FGFR4: variants seen among roughly 807,000 people sequenced by gnomAD.
FGFR4 encodes the protein fibroblast growth factor receptor 4.
A neutral mutation model predicts 89.9 loss-of-function variants in FGFR4; 63 were observed. That is an observed-to-expected ratio of 0.70 (90% CI 0.57 to 0.86). The LOEUF (loss-of-function observed/expected upper bound fraction) is 0.86. FGFR4 is among the 40% of genes least tolerant of loss of function. The pLI is 0.00. For missense variants in FGFR4, 928 were observed against 1,106.7 expected, an observed-to-expected ratio of 0.84 and a Z score of 2.29; for synonymous variants, 486 against 479.4, an observed-to-expected ratio of 1.01 and a Z score of -0.18.
At chr5:177,092,089 G>A (rs1044613020) in intron 6 of FGFR4, among the ~76,000 whole-genome samples, 34 of 152,232 alleles carry the variant, frequency 2.2e-4, no homozygotes, top group African/African-American at 7.7e-4. Context: ...TTCGTAGGGC[G>A]TGGCGTTTAT....
In FGFR4 at chr5:177,097,793, T is replaced by TGCCGTGTCCAAGG. The variant is rs1288964009; in HGVS notation, c.*124_*136dup. Reference sequence around the variant, plus strand: ...TGGGGCCCCTGGCCCAGAGTTGCTGTGCCGTGTCCAAGGGCCGTGCCCTTG... The same window carrying TGCCGTGTCCAAGG: ...TGGGGCCCCTGGCCCAGAGTTGCTGTGCCGTGTCCAAGGGCCGTGTCCAAGGGCCGTGCCCTTG... On this transcript the variant is annotated 3_prime_UTR_variant, in exon 18 of 18. Transcript: ENST00000292408. 6 of 1,344,938 alleles carry TGCCGTGTCCAAGG rather than the reference T, an allele frequency of 4.5e-6. No homozygotes were observed. The highest frequency in any genetic ancestry group is 4.3e-5 in the South Asian group (3 of 69,146). The allele number at this position is 1,344,938 out of a possible 1,614,324, so 83.3% of individuals were successfully genotyped here.
rs1247035490 is a variant in FGFR4 at position 177,091,839 on chromosome 5, T to G, written c.727+31T>G. Reference sequence around the variant, plus strand: ...CGCGGGGCTGGGAACAGGGGAGGCCTGACCCATTTTGGGCTCAGTTGTGCC... The same window carrying G: ...CGCGGGGCTGGGAACAGGGGAGGCCGGACCCATTTTGGGCTCAGTTGTGCC... On this transcript the variant is annotated intron_variant, in intron 6 of 17. Transcript: ENST00000292408. 3.7e-6 allele frequency: 6 copies of G among 1,611,672 alleles called. 1 individual carries two copies. The highest frequency in any genetic ancestry group is 5.1e-6 in the Non-Finnish European group (6 of 1,178,326).
In FGFR4 at chr5:177,097,904, C is replaced by A; in HGVS notation, c.*228C>A. On this transcript the variant is annotated 3_prime_UTR_variant, in exon 18 of 18. Coordinates refer to ENST00000292408, the MANE Select transcript of FGFR4 (RefSeq NM_213647.3). ...TTGGACCTTGGCGCTTAGTCCCCAT[C>A]CCGGGTTTGGCTGAGCCTGGCTGGA... 1 of 484,446 alleles carries A rather than the reference C, an allele frequency of 2.1e-6. No homozygotes were observed. Among genetic ancestry groups the A allele is most frequent in the African/African-American group, 1.9e-5 (1 of 52,102 alleles). The allele number at this position is 484,446 out of a possible 1,614,324, so 30.0% of individuals were successfully genotyped here. A position where few individuals can be genotyped will look rare whatever the true frequency, so the allele number is the denominator to read the frequency against.
In FGFR4 at chr5:177,097,643, C is replaced by T. The variant is rs770736959; in HGVS notation, c.2376C>T (p.Ser792=). ...ACGACCCCCTGCCATTGGGATCCAG[C>T]TCCTTCCCCTTCGGGTCTGGGGTGC... ...FSHDPLPLGS[S]SFPFGSGVQT Residue 792 remains serine (S), a synonymous_variant, in exon 18 of 18, where the codon AGC becomes AGT. Coordinates refer to ENST00000292408, the MANE Select transcript of FGFR4 (RefSeq NM_213647.3). 3.1e-6 allele frequency: 5 copies of T among 1,614,090 alleles called. No homozygotes were observed. The highest frequency in any genetic ancestry group is 4.2e-6 in the Non-Finnish European group (5 of 1,180,042).
rs570388674 is a variant in FGFR4 at position 177,093,269 on chromosome 5, G to A, written c.1189G>A (p.Gly397Ser). ...AGLYRGQALH[G>S]RHPRPPATVQ... ...GCTGTATCGAGGGCAGGCGCTCCAC[G>A]GCCGGCACCCCCGCCCGCCCGCCAC... Residue 397 changes from glycine to serine, a missense_variant, in exon 9 of 18, where the codon GGC (glycine) becomes AGC (serine). Physicochemically the swap from Gly to Ser is moderately conservative, Grantham distance 56 (BLOSUM62 0). This residue lies in a region of FGFR4 where 741 missense variants were observed against 836.9 expected (regional missense o/e 0.89). Coordinates refer to ENST00000292408, the MANE Select transcript of FGFR4 (RefSeq NM_213647.3). This position sits in a 1 kb window ranked among gnomAD's most constrained non-coding sequence, Gnocchi z 5.8. The A allele has an allele frequency of 6.2e-6, 10 of 1,612,842 alleles. No homozygotes were observed. The highest frequency in any genetic ancestry group is 5.3e-5 in the African/African-American group (4 of 75,016).
At chr5:177,088,038 T>A (rs1448094481) in intron 1 of FGFR4, among the ~76,000 whole-genome samples, 1 of 152,098 alleles carries the variant, frequency 6.6e-6, no homozygotes, top group Non-Finnish European at 1.5e-5. Flanking sequence ...TTTGTTTTTT[T>A]ATTTTATTTT....
In FGFR4 at chr5:177,095,755, G is replaced by A; in HGVS notation, c.1821+32G>A. ...GCGCTAGGGCTCTGAGCCCCTCTCA[G>A]TCTCTCCAGCTCCACTCTCAGGCCT... is the stretch of plus-strand genomic sequence containing the variant. On this transcript the variant is annotated intron_variant, in intron 13 of 17. Coordinates refer to ENST00000292408, the MANE Select transcript of FGFR4 (RefSeq NM_213647.3). This position sits in a 1 kb window ranked among gnomAD's most constrained non-coding sequence, Gnocchi z 5.7. The A allele has an allele frequency of 6.5e-7, 1 of 1,537,720 alleles. No individual in the cohort carries two copies. The highest frequency in any genetic ancestry group is 8.7e-7 in the Non-Finnish European group (1 of 1,143,444).
In FGFR4 at chr5:177,092,673, G is replaced by C. The variant is rs770090847; in HGVS notation, c.946G>C (p.Glu316Gln). 1 of 1,612,128 alleles carries C rather than the reference G, an allele frequency of 6.2e-7. No homozygotes were observed. The change falls in exon 8 of 18, where the codon GAG (glutamate) becomes CAG (glutamine). Residue 316 changes from glutamate to glutamine, a missense_variant. This residue lies in a region of FGFR4 where 741 missense variants were observed against 836.9 expected (regional missense o/e 0.89). Coordinates refer to ENST00000292408, the MANE Select transcript of FGFR4 (RefSeq NM_213647.3). ...TGCAGACATCAATAGCTCAGAGGTG[G>C]AGGTCCTGTACCTGCGGAACGTGTC... ...KTADINSSEV[E>Q]VLYLRNVSAE...
rs756853139 is a variant in FGFR4 at position 177,096,670 on chromosome 5, G to A, written c.2082G>A (p.Pro694=). The part of the protein sequence containing the change: ...TLGGSPYPGI[P]VEELFSLLRE... ...GGGGCTCCCCGTATCCTGGCATCCC[G>A]GTGGAGGAGCTGTTCTCGCTGCTGC... The change falls in exon 16 of 18, where the codon CCG becomes CCA. Residue 694 remains proline (P), a synonymous_variant. Coordinates refer to ENST00000292408, the MANE Select transcript of FGFR4 (RefSeq NM_213647.3). 17 of 1,611,214 alleles carry A rather than the reference G, an allele frequency of 1.1e-5. No individual in the cohort carries two copies. Among genetic ancestry groups the A allele is most frequent in the Middle Eastern group, 1.6e-4 (1 of 6,064 alleles).
chr5:177,098,003 ACCT>A lies in FGFR4; in HGVS notation c.*330_*332del, dbSNP rs995296430. On this transcript the variant is annotated 3_prime_UTR_variant, in exon 18 of 18. Transcript: ENST00000292408. This position sits in a 1 kb window ranked among gnomAD's most constrained non-coding sequence, Gnocchi z 4.5. ...GGGCCTCTGAACCCCCTTTCCCCAC[ACCT>A]CCCCCTGCTGCTGCTGCCCCAGCGT... 3 of 288,804 alleles carry A rather than the reference ACCT, an allele frequency of 1.0e-5. No individual in the cohort carries two copies. Among genetic ancestry groups the A allele is most frequent in the Non-Finnish European group, 1.9e-5 (3 of 156,094 alleles). The allele number at this position is 288,804 out of a possible 1,614,324, so 17.9% of individuals were successfully genotyped here.
chr5:177,089,374 G>A (rs1159822828), intron 1 of FGFR4, among the ~76,000 whole-genome samples, 176 bp from the exon 2 acceptor site: 1 of 152,176 alleles, frequency 6.6e-6, no homozygotes, highest in African/African-American at 2.4e-5. Context: ...ACCGTGGGGA[G>A]GCCTTAGGCT....
In FGFR4 at chr5:177,092,703, G is replaced by A. The variant is rs143108014; in HGVS notation, c.976G>A (p.Glu326Lys). ...CCTGTACCTGCGGAACGTGTCAGCC[G>A]AGGACGCAGGCGAGTACACCTGCCT... is the stretch of plus-strand genomic sequence containing the variant. ...EVLYLRNVSA[E>K]DAGEYTCLAG... The change falls in exon 8 of 18, where the codon GAG becomes AAG. Residue 326 changes from glutamate to lysine, a missense_variant. This residue lies in a region of FGFR4 where 741 missense variants were observed against 836.9 expected (regional missense o/e 0.89). Coordinates refer to ENST00000292408, the MANE Select transcript of FGFR4 (RefSeq NM_213647.3). 4.2e-5 allele frequency: 67 copies of A among 1,614,020 alleles called. No individual in the cohort carries two copies. The highest frequency in any genetic ancestry group is 1.3e-4 in the East Asian group (6 of 44,896).
In FGFR4 at chr5:177,091,781, C is replaced by T. The variant is rs752817668; in HGVS notation, c.700C>T (p.Arg234Cys). ...GGTAGAGAACGCTGTGGGCAGCATC[C>T]GCTATAACTACCTGCTAGATGTGCT... The part of the protein sequence containing the change: ...CLVENAVGSI[R>C]YNYLLDVLER... The change falls in exon 6 of 18, where the codon CGC becomes TGC. Residue 234 changes from arginine (R) to cysteine (C), a missense_variant. Arg to Cys is a radical substitution (Grantham distance 180). Coordinates refer to ENST00000292408, the MANE Select transcript of FGFR4 (RefSeq NM_213647.3). 57 of 1,614,184 alleles carry T rather than the reference C, an allele frequency of 3.5e-5. No individual in the cohort carries two copies. Among genetic ancestry groups the T allele is most frequent in the African/African-American group, 5.3e-5 (4 of 75,064 alleles).
Position 177,092,421 on chromosome 5 carries a change from T to C in FGFR4, c.828T>C (p.Asp276=). ...AGCTGCTGTGCAAGGTGTACAGCGATGCCCAGCCCCACATCCAGTGGCTGA... is the reference window on the plus strand; with the variant it reads ...AGCTGCTGTGCAAGGTGTACAGCGACGCCCAGCCCCACATCCAGTGGCTGA... The part of the protein sequence containing the change: ...DVELLCKVYS[D]AQPHIQWLKH... The change falls in exon 7 of 18, where the codon GAT becomes GAC. Residue 276 remains aspartate, a synonymous_variant. Transcript: ENST00000292408. The C allele has an allele frequency of 6.2e-7, 1 of 1,608,208 alleles. No individual in the cohort carries two copies. Among genetic ancestry groups the C allele is most frequent in the Non-Finnish European group, 8.5e-7 (1 of 1,177,030 alleles).
chr5:177,096,464 T>G, intron 15 of FGFR4, 107 bp downstream of exon 15: 1 of 1,541,734 alleles, frequency 6.5e-7, no homozygotes, highest in East Asian at 2.3e-5. Flanking sequence ...TCAGATTTGG[T>G]CTGGGACCCG....
rs755455944 is a variant in FGFR4 at position 177,090,608 on chromosome 5, C to T, written c.310C>T (p.Arg104Ter). ...TGCTGGCCGCTACCTCTGCCTGGCACGAGGCTCCATGATCGTCCTGCAGAA... is the reference window on the plus strand; with the variant it reads ...TGCTGGCCGCTACCTCTGCCTGGCATGAGGCTCCATGATCGTCCTGCAGAA... Reference protein sequence around the residue: ...EDAGRYLCLARGSMIVLQNLT... With the variant: ...EDAGRYLCLA Residue 104 changes from arginine to a stop codon, truncating the protein, a stop_gained, in exon 3 of 18, where the codon CGA becomes TGA. Coordinates refer to ENST00000292408, the MANE Select transcript of FGFR4 (RefSeq NM_213647.3). LOFTEE classifies it high-confidence loss of function. 5.9e-6 allele frequency: 9 copies of T among 1,522,024 alleles called. No individual in the cohort carries two copies. The highest frequency in any genetic ancestry group is 7.0e-6 in the Non-Finnish European group (8 of 1,136,714). 94.3% of individuals were successfully genotyped at this position (1,522,024 alleles called of 1,614,324 possible).
chr5:177,093,223 T>G lies in FGFR4; in HGVS notation c.1143T>G (p.Ala381=), dbSNP rs753228217. 4 of 1,612,688 alleles carry G rather than the reference T, an allele frequency of 2.5e-6. No homozygotes were observed. The East Asian group carries it at 8.9e-5, about 36-fold the overall frequency. The stretch of plus-strand genomic sequence containing the variant: ...ACGCGTCGGGCTCCCTGGCCTTGGC[T>G]GTGCTCCTGCTGCTGGCCGGGCTGT... ...ILYASGSLAL[A]VLLLLAGLYR... Residue 381 remains alanine (A), a synonymous_variant, in exon 9 of 18, where the codon GCT becomes GCG. Coordinates refer to ENST00000292408, the MANE Select transcript of FGFR4 (RefSeq NM_213647.3). This position sits in a 1 kb window ranked among gnomAD's most constrained non-coding sequence, Gnocchi z 5.8.
In FGFR4 at chr5:177,097,591, G is replaced by C; in HGVS notation, c.2324G>C (p.Cys775Ser). Residue 775 changes from cysteine to serine, a missense_variant, in exon 18 of 18, where the codon TGC (cysteine) becomes TCC (serine). Cys to Ser is a moderately radical substitution (Grantham distance 112). This residue lies in a region of FGFR4 where 129 missense variants were observed against 150.8 expected (regional missense o/e 0.86). Coordinates refer to ENST00000292408, the MANE Select transcript of FGFR4 (RefSeq NM_213647.3). ...SPSGGDASSTCSSSDSVFSHD... is the reference protein window; with the variant it reads ...SPSGGDASSTSSSSDSVFSHD... ...TCTGGTGGGGACGCCAGCAGCACCT[G>C]CTCCTCCAGCGATTCTGTCTTCAGC... 6.2e-7 allele frequency: 1 copy of C among 1,614,140 alleles called. No individual in the cohort carries two copies. The highest frequency in any genetic ancestry group is 8.5e-7 in the Non-Finnish European group (1 of 1,180,034).
At chr5:177,092,240 T>A in intron 6 of FGFR4, 81 bp from the exon 7 acceptor site, 1 of 1,407,810 alleles carries the variant, frequency 7.1e-7, no homozygotes, top group Non-Finnish European at 9.5e-7. Flanking sequence ...TCCCTTGAAC[T>A]TGAGGAAGGC....
Sources: allele counts gnomAD v4.1 joint callset (sites outside exome capture counted in the v4.1 genomes callset), GRCh38; gene constraint gnomAD v4.1.1; regional missense constraint gnomAD v4.1.1; non-coding constraint Gnocchi (gnomAD v3.1); transcripts MANE v1.5; gene names NCBI Gene and HGNC (gene_info 2026-07-23, HGNC 2026-07-21).